Variants in SREK1 observed in about 807,000 individuals in gnomAD.
SREK1 encodes splicing regulatory glutamic acid and lysine rich protein 1.
SREK1 carries 13 observed loss-of-function variants against 66.5 expected under a neutral mutation model. That is an observed-to-expected ratio of 0.20 (90% CI 0.13 to 0.31). SREK1 has a LOEUF of 0.31. Ranked by LOEUF, SREK1 falls within the 10% of genes least tolerant of loss-of-function variation. The pLI is 1.00. For missense variants in SREK1, 607 were observed against 769.6 expected, an observed-to-expected ratio of 0.79 and a Z score of 2.50; for synonymous variants, 265 against 263.5, an observed-to-expected ratio of 1.01 and a Z score of -0.05.
At chr5:66,151,187 C>T (rs914768292) in intron 1 of SREK1, among the ~76,000 whole-genome samples, 34 of 152,220 alleles carry the variant, frequency 2.2e-4, no homozygotes, top group Admixed American at 1.4e-3. Context: ...GAACTTTACT[C>T]ATTGTGGTTA....
rs953401379 is a variant in SREK1, at chr5:66,163,653, C to T, written c.756-139C>T. ...GAGATTAATCATGGTTTTGAGGTTGCTTTTGGTTATTCTGTATATCATTCT... is the reference window on the plus strand; with the variant it reads ...GAGATTAATCATGGTTTTGAGGTTGTTTTTGGTTATTCTGTATATCATTCT... On this transcript the variant is annotated intron_variant, in intron 5 of 11. Transcript: ENST00000334121. The T allele has an allele frequency of 1.0e-5, 8 of 774,636 alleles. No homozygotes were observed. In the African/African-American group the frequency reaches 1.4e-4, roughly 14 times the overall value. 48.0% of individuals were successfully genotyped at this position (774,636 alleles called of 1,614,324 possible). A position where few individuals can be genotyped will look rare whatever the true frequency, so the allele number is the denominator to read the frequency against.
At chr5:66,157,900 A>C (rs16894981) in intron 2 of SREK1, 24,911 of 199,280 alleles carry the variant, frequency 0.13, 1,715 homozygotes, top group Admixed American at 0.22. Context: ...TTAGGGATTT[A>C]TCTCTGCACA....
chr5:66,177,706 G>A (rs1746174101), intron 11 of SREK1, 48 bp downstream of exon 11: 1 of 1,521,392 alleles, frequency 6.6e-7, no homozygotes, highest in African/African-American at 1.4e-5. Context: ...GTTCTTTATT[G>A]CATACAAATG....
rs763782301 is a variant in SREK1, at chr5:66,178,852, A to C, written c.1859A>C (p.Lys620Thr). Residue 620 changes from lysine (K) to threonine (T), a missense_variant, in exon 12 of 12, where the codon AAA becomes ACA. This residue lies in a region of SREK1 where 318 missense variants were observed against 310.3 expected (regional missense o/e 1.02). Transcript: ENST00000334121. The part of the protein sequence containing the change: ...CQLNEENLST[K>T]TEAV ...CTGAATGAAGAAAACCTCTCTACCAAAACAGAAGCAGTATAGGACCGACAA... is the reference window on the plus strand; with the variant it reads ...CTGAATGAAGAAAACCTCTCTACCACAACAGAAGCAGTATAGGACCGACAA... 6.2e-7 allele frequency: 1 copy of C among 1,611,914 alleles called. No homozygotes were observed. Among genetic ancestry groups the C allele is most frequent in the Non-Finnish European group, 8.5e-7 (1 of 1,178,602 alleles).
chr5:66,160,085 G>A (rs1404755687), intron 3 of SREK1, among the ~76,000 whole-genome samples: 3 of 151,884 alleles, frequency 2.0e-5, no homozygotes, highest in Non-Finnish European at 4.4e-5. Flanking sequence ...AGCGAAGATT[G>A]CGCCACTGCA....
chr5:66,164,528 G>A, intron 6 of SREK1: 1 of 1,339,474 alleles, frequency 7.5e-7, no homozygotes, highest in South Asian at 1.2e-5. Context: ...TTACAGACAT[G>A]TTGTAATCGT....
At chr5:66,161,368 A>T (rs982562577) in intron 3 of SREK1, among the ~76,000 whole-genome samples, 13 of 152,152 alleles carry the variant, frequency 8.5e-5, no homozygotes, top group African/African-American at 2.9e-4. Context: ...AGTGGTGAAA[A>T]ATTGGGGTTT....
At chr5:66,144,685 C>G (rs1742996463) in intron 1 of SREK1, 148 bp downstream of exon 1, 2 of 1,362,200 alleles carry the variant, frequency 1.5e-6, no homozygotes, top group Admixed American at 2.9e-5. Flanking sequence ...GATTAGGGCA[C>G]CCGGGTTCCG....
intron 2 of SREK1, chr5:66,156,060 A>G: frequency 6.5e-7 from 1 of 1,533,030 alleles, no homozygotes; most frequent in South Asian, 1.2e-5. Flanking sequence ...TTTGTGCATT[A>G]TTAGATGACT....
In SREK1 at chr5:66,182,892, T is replaced by G. The variant is rs762329626; in HGVS notation, c.*4024T>G. ...AATACGTTATTTTAAAAGTAAACGCTAAGCCATTTATGACTTTGGTTATAT... is the reference window on the plus strand; with the variant it reads ...AATACGTTATTTTAAAAGTAAACGCGAAGCCATTTATGACTTTGGTTATAT... On this transcript the variant is annotated 3_prime_UTR_variant, in exon 12 of 12. Transcript: ENST00000334121. 2.0e-5 allele frequency: 3 copies of G among 152,246 alleles called. No individual in the cohort carries two copies. The highest frequency in any genetic ancestry group is 4.4e-5 in the Non-Finnish European group (3 of 68,046). 9.4% of individuals were successfully genotyped at this position (152,246 alleles called of 1,614,324 possible).
chr5:66,151,289 G>T (rs1384706072), intron 1 of SREK1, among the ~76,000 whole-genome samples: 1 of 152,200 alleles, frequency 6.6e-6, no homozygotes, highest in Non-Finnish European at 1.5e-5. Flanking sequence ...GTGGTTCTCA[G>T]AGCTTCTTCA....
intron 2 of SREK1, among the ~76,000 whole-genome samples, chr5:66,154,926 C>A (rs1009810368): frequency 1.3e-5 from 2 of 152,028 alleles, no homozygotes; most frequent in African/African-American, 4.8e-5. Flanking sequence ...TACTGAGAAA[C>A]TGCATGGGAA....
chr5:66,157,427 A>C (rs1580636145), intron 2 of SREK1: 2 of 985,180 alleles, frequency 2.0e-6, no homozygotes, highest in Non-Finnish European at 2.4e-6. Flanking sequence ...CCTTAGGTGC[A>C]TACATTAAGG....
chr5:66,144,840 TC>T (rs1268469911), intron 1 of SREK1: 2 of 1,079,614 alleles, frequency 1.9e-6, no homozygotes, highest in Non-Finnish European at 1.1e-6. Context: ...CCCTCTTATT[TC>T]CCCCCGAACT....
intron 3 of SREK1, among the ~76,000 whole-genome samples, chr5:66,161,223 T>C (rs564516817): frequency 6.6e-6 from 1 of 152,352 alleles, no homozygotes; most frequent in Non-Finnish European, 1.5e-5. Context: ...TCTGTGTTTT[T>C]CAATGACCAA....
chr5:66,162,328 T>C, intron 4 of SREK1, 55 bp downstream of exon 4: 1 of 1,605,938 alleles, frequency 6.2e-7, no homozygotes, highest in Non-Finnish European at 8.5e-7. Context: ...TTTTCTCTTC[T>C]TAAAAATCAT....
rs762670649 is a variant in SREK1 at position 66,172,824 on chromosome 5, ATT to A, written c.1484+1901_1484+1902del. 3.9e-3 allele frequency among the ~76,000 whole-genome samples: 461 copies of A among 118,186 alleles called. 3 individuals carry two copies. The highest frequency in any genetic ancestry group is 0.015 in the African/African-American group (411 of 28,144). 77.5% of individuals were successfully genotyped at this position (118,186 alleles called of 152,430 possible). On this transcript the variant is annotated intron_variant, in intron 9 of 11. Transcript: ENST00000334121. ...TGGTAAAGAGTTACAATTTCTTTGA[ATT>A]TTTTTTTTTTTTTTTTTTTTTTTAG...
At position 66,182,597 on chromosome 5, in the gene SREK1, C is replaced by T. The variant is rs990315094; in HGVS notation, c.*3729C>T. 2.0e-4 allele frequency: 31 copies of T among 152,230 alleles called. No individual in the cohort carries two copies. The highest frequency in any genetic ancestry group is 7.2e-4 in the African/African-American group (30 of 41,526). 9.4% of individuals were successfully genotyped at this position (152,230 alleles called of 1,614,324 possible). On this transcript the variant is annotated 3_prime_UTR_variant, in exon 12 of 12. Coordinates refer to ENST00000334121, the MANE Select transcript of SREK1 (RefSeq NM_001077199.3). ...CTTTTCTTTTTGAGACAGGGTCTCA[C>T]TCTGTCACTCAGGCTGGAGTGCAGT...
chr5:66,170,507 A>G (rs1745543039), intron 8 of SREK1, 78 bp from the exon 9 acceptor site: 1 of 1,480,244 alleles, frequency 6.8e-7, no homozygotes, highest in African/African-American at 1.4e-5. Flanking sequence ...TGTGTTGGTA[A>G]TTGTTGAAGA....
Sources: gnomAD v4.1 joint callset for allele counts (sites outside exome capture counted in the v4.1 genomes callset) on GRCh38, gnomAD v4.1.1 for gene constraint, gnomAD v4.1.1 regional missense constraint, MANE v1.5 for transcripts, NCBI Gene and HGNC (gene_info 2026-07-23, HGNC 2026-07-21) for gene names.